THAP6: variants seen among roughly 807,000 people sequenced by gnomAD.
THAP6 encodes THAP domain containing 6.
In THAP6, 13 loss-of-function variants were observed where a neutral mutation model predicts 20.0. That is an observed-to-expected ratio of 0.65 (90% CI 0.42 to 1.03). The LOEUF (loss-of-function observed/expected upper bound fraction) is 1.03, where lower values mean the gene tolerates loss of function less well. Among genes scored for constraint, THAP6 ranks in the 50% least tolerant of loss-of-function variants. The pLI, the probability that THAP6 is intolerant of heterozygous loss-of-function variation, is 0.00. For synonymous variants in THAP6, 93 were observed against 92.2 expected, an observed-to-expected ratio of 1.01 and a Z score of -0.05; for missense variants, 262 against 261.6, an observed-to-expected ratio of 1.00 and a Z score of -0.01.
chr4:75,515,387 T>G, intron 1 of THAP6, 46 bp from the exon 2 acceptor site: 4 of 1,552,072 alleles, frequency 2.6e-6, no homozygotes, highest in Non-Finnish European at 3.6e-6. Context: ...AATATTCCCC[T>G]TCAGCTTTCC....
In THAP6 at chr4:75,528,732, A is replaced by G; in HGVS notation, c.*1518A>G. The G allele has an allele frequency of 4.1e-6, 4 of 979,084 alleles. No individual in the cohort carries two copies. Among genetic ancestry groups the G allele is most frequent in the Middle Eastern group, 5.2e-4 (1 of 1,910 alleles). The allele number at this position is 979,084 out of a possible 1,614,324, so 60.6% of individuals were successfully genotyped here. On this transcript the variant is annotated 3_prime_UTR_variant, in exon 5 of 5. Transcript: ENST00000311638. ...TGAGGCCATATCTTTTTACAATCTG[A>G]AAAAAAAGTAGTAAAAAGGTAGTTA...
Position 75,521,836 on chromosome 4 carries a change from A to G in THAP6, c.389A>G (p.Glu130Gly). 2 of 1,613,506 alleles carry G rather than the reference A, an allele frequency of 1.2e-6. No homozygotes were observed. The highest frequency in any genetic ancestry group is 1.7e-6 in the Non-Finnish European group (2 of 1,179,616). Reference sequence around the variant, plus strand: ...CTTGTTGGTGCTTCCTCATGTATTGAAGAATTCCAATCCCAGTTCATTTTT... The same window carrying G: ...CTTGTTGGTGCTTCCTCATGTATTGGAGAATTCCAATCCCAGTTCATTTTT... ...HHLVGASSCIEEFQSQFIFEH... is the reference protein window; with the variant it reads ...HHLVGASSCIGEFQSQFIFEH... Residue 130 changes from glutamate (E) to glycine (G), a missense_variant, in exon 4 of 5, where the codon GAA becomes GGA. Coordinates refer to ENST00000311638, the MANE Select transcript of THAP6 (RefSeq NM_144721.6).
chr4:75,534,926 T>A (rs1395848820), downstream of THAP6, among the ~76,000 whole-genome samples: 1 of 151,626 alleles, frequency 6.6e-6, no homozygotes, highest in African/African-American at 2.4e-5. Flanking sequence ...GCTGGAGAGG[T>A]TGTGGAGAAA....
chr4:75,542,089 G>A (rs1047659102), intron 2 of THAP6, among the ~76,000 whole-genome samples: 2 of 152,100 alleles, frequency 1.3e-5, no homozygotes, highest in African/African-American at 2.4e-5. Flanking sequence ...AGTATTTCCC[G>A]TGACACCTAC....
Position 75,527,106 on chromosome 4 carries a change from C to T in THAP6, c.561C>T (p.Ile187=). Residue 187 remains isoleucine (I), a synonymous_variant, in exon 5 of 5, where the codon ATC becomes ATT. Coordinates refer to ENST00000311638, the MANE Select transcript of THAP6 (RefSeq NM_144721.6). ...TTCAGAAATCATTGAGGAAGACAATCAGGGAATTAAAGGATGAATGTCTGA... is the reference window on the plus strand; with the variant it reads ...TTCAGAAATCATTGAGGAAGACAATTAGGGAATTAAAGGATGAATGTCTGA... ...KRFQKSLRKT[I]RELKDECLIS... is the part of the protein sequence containing the mutation. 6.2e-7 allele frequency: 1 copy of T among 1,614,048 alleles called. No homozygotes were observed. The highest frequency in any genetic ancestry group is 8.5e-7 in the Non-Finnish European group (1 of 1,179,984).
rs745775257 is a variant in THAP6 at position 75,539,949 on chromosome 4, A to G, written c.166-2460A>G. On this transcript the variant is annotated intron_variant, in intron 2 of 4. Coordinates refer to the THAP6 transcript ENST00000502620. ...ATAGGGAATGGCAAGTGGACAGGCAACAGTGGTCAGGTAGGCTATTTGTGC... is the reference window on the plus strand; with the variant it reads ...ATAGGGAATGGCAAGTGGACAGGCAGCAGTGGTCAGGTAGGCTATTTGTGC... 38 of 1,535,906 alleles carry G rather than the reference A, an allele frequency of 2.5e-5. No homozygotes were observed. In the South Asian group the frequency reaches 4.5e-4, roughly 18 times the overall value.
downstream of THAP6, among the ~76,000 whole-genome samples, chr4:75,531,455 T>G (rs901128454): frequency 6.6e-6 from 1 of 152,226 alleles, no homozygotes; most frequent in Admixed American, 6.5e-5. Flanking sequence ...TTTGCTATAA[T>G]CATAGCCTTG....
downstream of THAP6, among the ~76,000 whole-genome samples, chr4:75,532,905 A>C (rs940884306): frequency 6.6e-6 from 1 of 152,106 alleles, no homozygotes; most frequent in Admixed American, 6.5e-5. Flanking sequence ...CTTTCCTCCT[A>C]GGCCTCCAGA....
At chr4:75,530,612 C>G (rs1006728877), downstream of THAP6, among the ~76,000 whole-genome samples, 1 of 152,152 alleles carries the variant, frequency 6.6e-6, no homozygotes, top group Admixed American at 6.5e-5. Context: ...AGACTTCTTT[C>G]AATTATAACA....
At chr4:75,542,805 A>T in intron 3 of THAP6, 1 of 214,586 alleles carries the variant, frequency 4.7e-6, no homozygotes, top group Admixed American at 5.4e-5. Flanking sequence ...CTGAACATTC[A>T]CAATGTCTTA....
At chr4:75,532,154 A>G (rs13126843), downstream of THAP6, among the ~76,000 whole-genome samples, 1 of 152,200 alleles carries the variant, frequency 6.6e-6, no homozygotes, top group Non-Finnish European at 1.5e-5. Flanking sequence ...ATCAAAAGCA[A>G]GTTAGTTACT....
chr4:75,524,045 T>C (rs1726209109), intron 4 of THAP6, among the ~76,000 whole-genome samples: 1 of 152,210 alleles, frequency 6.6e-6, no homozygotes, highest in Non-Finnish European at 1.5e-5. Flanking sequence ...TTTATGTTCT[T>C]GGCACCTTTG....
chr4:75,525,459 T>C lies in THAP6; in HGVS notation c.415-1501T>C, dbSNP rs77531317. On this transcript the variant is annotated intron_variant, in intron 4 of 4. Transcript: ENST00000311638. ...TTTTACCTCACACATCAGTTATCTG[T>C]AGATATTCTATTAGAGTCTTTTTTA... Among the ~76,000 whole-genome samples, 22 of 152,336 alleles carry C rather than the reference T, an allele frequency of 1.4e-4. No homozygotes were observed. In the East Asian group the frequency reaches 4.0e-3, roughly 28 times the overall value.
chr4:75,533,769 T>G (rs897660466), downstream of THAP6, among the ~76,000 whole-genome samples: 1 of 152,186 alleles, frequency 6.6e-6, no homozygotes, highest in Non-Finnish European at 1.5e-5. Context: ...TTTCAAATTT[T>G]TTTTTATTAT....
At chr4:75,514,690 C>G (rs995954001) in intron 1 of THAP6, 170 bp downstream of exon 1, 1 of 166,368 alleles carries the variant, frequency 6.0e-6, no homozygotes, top group African/African-American at 2.4e-5. Flanking sequence ...TCTCTCCCTC[C>G]GGTGGCGGGG....
chr4:75,514,523 A>G lies in THAP6; in HGVS notation c.-21+3A>G, dbSNP rs780776121. On this transcript the variant is annotated splice_donor_region_variant and intron_variant, in intron 1 of 4. Transcript: ENST00000311638. ...AGTCGCAGTCTTCGCTGCTAACGGT[A>G]ATAACTCTTAGGTTGCCTGTTTTCC... 98 of 499,408 alleles carry G rather than the reference A, an allele frequency of 2.0e-4. No homozygotes were observed. Among genetic ancestry groups the G allele is most frequent in the Non-Finnish European group, 3.3e-4 (90 of 274,256 alleles). 30.9% of individuals were successfully genotyped at this position (499,408 alleles called of 1,614,324 possible).
intron 3 of THAP6, among the ~76,000 whole-genome samples, chr4:75,545,563 C>T (rs1283170131): frequency 5.9e-5 from 9 of 152,196 alleles, no homozygotes; most frequent in African/African-American, 2.2e-4. Flanking sequence ...GCACCTGTCC[C>T]TTTGTGGTGC....
intron 3 of THAP6, among the ~76,000 whole-genome samples, chr4:75,520,302 A>G (rs1452696426): frequency 6.6e-6 from 1 of 152,080 alleles, no homozygotes; most frequent in Non-Finnish European, 1.5e-5. Flanking sequence ...CTTTTGGTCC[A>G]TTTATGTACA....
intron 4 of THAP6, chr4:75,522,194 G>T (rs1169419132): frequency 1.0e-5 from 3 of 287,358 alleles, no homozygotes; most frequent in Non-Finnish European, 1.9e-5. Context: ...TACACATACA[G>T]AGTATTCAAG....
Sources: gnomAD v4.1 joint callset for allele counts (sites outside exome capture counted in the v4.1 genomes callset) on GRCh38, gnomAD v4.1.1 for gene constraint, MANE v1.5 for transcripts, NCBI Gene and HGNC (gene_info 2026-07-23, HGNC 2026-07-21) for gene names.